Variants in LMBR1 observed in about 807,000 individuals in gnomAD.
LMBR1 encodes limb development membrane protein 1.
In LMBR1, 52 loss-of-function variants were observed where a neutral mutation model predicts 73.9. That is an observed-to-expected ratio of 0.70 (90% CI 0.56 to 0.89). The LOEUF (loss-of-function observed/expected upper bound fraction) is 0.89. Ranked by LOEUF, LMBR1 falls within the 40% of genes least tolerant of loss-of-function variation. The probability of loss-of-function intolerance (pLI) is 0.00; values close to 1 mark genes in which losing one functional copy is unlikely to be tolerated. For missense variants in LMBR1, 539 were observed against 579.8 expected (o/e 0.93, Z 0.72); for synonymous variants, 215 against 209.4 (o/e 1.03, Z -0.23).
chr7:156,669,824 C>G lies in LMBR1; in HGVS notation n.867-537G>C, dbSNP rs1188493032. On this transcript the variant is annotated intron_variant and non_coding_transcript_variant, in intron 4 of 4. Transcript: ENST00000430825. The surrounding 1 kb of genome is among the most constrained non-coding windows in gnomAD (Gnocchi z 4.2). ...CCATGGAGGGGAGGCTCAAAATAAC[C>G]AGATGAGACGTGCAGTTGGGCCTGC... 6.6e-6 allele frequency among the ~76,000 whole-genome samples: 1 copy of G among 152,158 alleles called. No individual in the cohort carries two copies. The highest frequency in any genetic ancestry group is 1.5e-5 in the Non-Finnish European group (1 of 68,038).
intron 15 of LMBR1, among the ~76,000 whole-genome samples, chr7:156,703,536 C>T (rs1218240258): frequency 6.6e-6 from 1 of 152,132 alleles, no homozygotes; most frequent in African/African-American, 2.4e-5. Context: ...GAGCACTCCA[C>T]GAGAACAAGG....
intron 9 of LMBR1, among the ~76,000 whole-genome samples, chr7:156,753,392 C>A (rs1469225268): frequency 6.6e-6 from 1 of 151,990 alleles, no homozygotes; most frequent in African/African-American, 2.4e-5. Flanking sequence ...AACAGGAGGG[C>A]ACCTACTCAA....
At chr7:156,674,219 G>A (rs1340325812), downstream of LMBR1, among the ~76,000 whole-genome samples, 1 of 152,222 alleles carries the variant, frequency 6.6e-6, no homozygotes. Context: ...GCCAGCCTGT[G>A]GGGCTCGGGA....
At chr7:156,711,194 C>T (rs1189634234) in intron 15 of LMBR1, among the ~76,000 whole-genome samples, 1 of 152,070 alleles carries the variant, frequency 6.6e-6, no homozygotes, top group East Asian at 1.9e-4. Flanking sequence ...CCTGTGGTCC[C>T]AGCTACTTGG....
intron 1 of LMBR1, among the ~76,000 whole-genome samples, chr7:156,841,353 G>A (rs1421888905): frequency 6.6e-6 from 1 of 152,118 alleles, no homozygotes; most frequent in Non-Finnish European, 1.5e-5. Flanking sequence ...GAAAGGGCCA[G>A]GCCATAAATT....
intron 4 of LMBR1, among the ~76,000 whole-genome samples, chr7:156,817,163 T>C (rs1434269934): frequency 6.6e-6 from 1 of 152,144 alleles, no homozygotes; most frequent in African/African-American, 2.4e-5. Flanking sequence ...TCTAGCTCCA[T>C]CTGCTGGAGT....
intron 11 of LMBR1, 90 bp from the exon 12 acceptor site, chr7:156,728,097 T>C (rs931000587): frequency 3.0e-6 from 3 of 1,006,768 alleles, no homozygotes; most frequent in East Asian, 2.5e-5. Context: ...CGTTTCAGAA[T>C]AGAGGGAAAG....
At chr7:156,886,047 GA>G (rs59110740) in intron 1 of LMBR1, among the ~76,000 whole-genome samples, 42,858 of 115,890 alleles carry the variant, frequency 0.37, 5,921 homozygotes, top group East Asian at 0.49. Context: ...CTCAAAAAAA[GA>G]AAAAAAAAAA....
At chr7:156,805,830 T>C (rs1341213761) in intron 4 of LMBR1, among the ~76,000 whole-genome samples, 3 of 152,058 alleles carry the variant, frequency 2.0e-5, no homozygotes, top group Non-Finnish European at 2.9e-5. Flanking sequence ...CAGGAGCCCT[T>C]GGGGGTAGTT....
intron 15 of LMBR1, among the ~76,000 whole-genome samples, chr7:156,718,530 C>G (rs570241481): frequency 6.6e-6 from 1 of 152,184 alleles, no homozygotes; most frequent in Non-Finnish European, 1.5e-5. Context: ...TTGAGGCAAG[C>G]CTTGGCAACA....
chr7:156,812,237 G>A (rs1010591310), intron 4 of LMBR1, among the ~76,000 whole-genome samples: 1 of 152,094 alleles, frequency 6.6e-6, no homozygotes, highest in African/African-American at 2.4e-5. Flanking sequence ...CCTTCAAATA[G>A]GAAGACAGCA....
At chr7:156,770,694 A>G (rs1825014834) in intron 5 of LMBR1, among the ~76,000 whole-genome samples, 1 of 152,128 alleles carries the variant, frequency 6.6e-6, no homozygotes, top group Non-Finnish European at 1.5e-5. Flanking sequence ...CAGGAGGATC[A>G]TTTGAGCCCA....
rs971589344 is a variant in LMBR1, at chr7:156,678,469, A to G, written c.*5609T>C. ...CCACAGAACGCTAAAAAGGACCTGA[A>G]TGAAGTAGCTACTTCTCTGGACAAT... On this transcript the variant is annotated 3_prime_UTR_variant, in exon 17 of 17. Coordinates refer to ENST00000353442, the MANE Select transcript of LMBR1 (RefSeq NM_022458.4). The G allele has an allele frequency of 6.6e-6, 1 of 152,240 alleles. No homozygotes were observed. Among genetic ancestry groups the G allele is most frequent in the Non-Finnish European group, 1.5e-5 (1 of 68,038 alleles). The allele number at this position is 152,240 out of a possible 1,614,324, so 9.4% of individuals were successfully genotyped here.
chr7:156,728,921 C>T (rs1468607942), intron 10 of LMBR1, among the ~76,000 whole-genome samples: 1 of 152,212 alleles, frequency 6.6e-6, no homozygotes, highest in Non-Finnish European at 1.5e-5. Flanking sequence ...CCGCAGCTCA[C>T]TGCAACCTCC....
intron 15 of LMBR1, among the ~76,000 whole-genome samples, chr7:156,707,140 G>A (rs1440410918): frequency 6.6e-6 from 1 of 152,010 alleles, no homozygotes; most frequent in African/African-American, 2.4e-5. Flanking sequence ...TAGAGGAAAT[G>A]GATAAATTAC....
intron 15 of LMBR1, among the ~76,000 whole-genome samples, chr7:156,712,427 T>C (rs34838661): frequency 0.2 from 30,129 of 152,196 alleles, 3,212 homozygotes; most frequent in Middle Eastern, 0.35. Context: ...TGTAAATTAT[T>C]ACAACCTCTA....
intron 4 of LMBR1, among the ~76,000 whole-genome samples, chr7:156,821,329 G>A (rs186918818): frequency 5.2e-4 from 79 of 152,312 alleles, no homozygotes; most frequent in Admixed American, 1.6e-3. Flanking sequence ...AGCTGACGGA[G>A]GAAGACCTGG....
intron 15 of LMBR1, among the ~76,000 whole-genome samples, chr7:156,696,217 T>G (rs1183059216): frequency 6.6e-6 from 1 of 152,222 alleles, no homozygotes; most frequent in Non-Finnish European, 1.5e-5. Context: ...AAATTTGACT[T>G]CATCAAAATT....
At chr7:156,697,529 T>C (rs990666234) in intron 15 of LMBR1, among the ~76,000 whole-genome samples, 1 of 152,202 alleles carries the variant, frequency 6.6e-6, no homozygotes, top group Admixed American at 6.5e-5. Flanking sequence ...CGGCCGTTTA[T>C]AGACCTCCCC....
Sources: gnomAD v4.1 joint callset for allele counts (sites outside exome capture counted in the v4.1 genomes callset) on GRCh38, gnomAD v4.1.1 for gene constraint, Gnocchi (gnomAD v3.1) non-coding constraint, MANE v1.5 for transcripts, NCBI Gene and HGNC (gene_info 2026-07-23, HGNC 2026-07-21) for gene names.